Variants in SEMA3A observed in about 807,000 individuals in gnomAD.
SEMA3A encodes the protein semaphorin-3A.
In SEMA3A, 29 loss-of-function variants were observed where a neutral mutation model predicts 97.9. That is an observed-to-expected ratio of 0.30 (90% CI 0.22 to 0.40). The LOEUF (loss-of-function observed/expected upper bound fraction) is 0.40, where lower values mean the gene tolerates loss of function less well. Ranked by LOEUF, SEMA3A falls within the 10% of genes least tolerant of loss-of-function variation. The pLI, the probability that SEMA3A is intolerant of heterozygous loss-of-function variation, is 1.00. For synonymous variants in SEMA3A, 321 were observed against 323.7 expected (o/e 0.99, Z 0.09); for missense variants, 763 against 951.3 (o/e 0.80, Z 2.60).
At chr7:84,443,231 A>G (rs1805316285) in intron 1 of SEMA3A, among the ~76,000 whole-genome samples, 1 of 152,178 alleles carries the variant, frequency 6.6e-6, no homozygotes, top group African/African-American at 2.4e-5. Context: ...TAGGCAACAA[A>G]TTACACCTCA....
chr7:83,981,504 C>CA, intron 13 of SEMA3A, 26 bp from the exon 14 acceptor site: 1 of 1,533,936 alleles, frequency 6.5e-7, no homozygotes, highest in East Asian at 2.3e-5. Context: ...ACTGCTGTGA[C>CA]AAAAACTATC....
At chr7:84,135,066 A>C (rs899092853) in intron 1 of SEMA3A, 115 bp from the exon 2 acceptor site, 8 of 707,894 alleles carry the variant, frequency 1.1e-5, no homozygotes, top group African/African-American at 9.2e-5. Context: ...ATCAGTGCTT[A>C]TTCTTCAGGG....
At chr7:84,198,025 C>A (rs1162350315), upstream of SEMA3A, among the ~76,000 whole-genome samples, 2 of 152,146 alleles carry the variant, frequency 1.3e-5, no homozygotes, top group Admixed American at 6.5e-5. Context: ...CAGGCGTGAG[C>A]CCCCGAGCCC....
chr7:84,358,798 C>A (rs1256524575), intron 2 of SEMA3A, among the ~76,000 whole-genome samples: 1 of 152,050 alleles, frequency 6.6e-6, no homozygotes, highest in African/African-American at 2.4e-5. Context: ...TTGTTTGTAT[C>A]CTCTTTTATT....
intron 1 of SEMA3A, among the ~76,000 whole-genome samples, chr7:84,469,368 G>C (rs531770775): frequency 6.6e-6 from 1 of 152,192 alleles, no homozygotes; most frequent in Admixed American, 6.5e-5. Flanking sequence ...GGTTTAAACA[G>C]AAGAAAAGAG....
At chr7:84,413,497 A>G (rs570309616) in intron 1 of SEMA3A, among the ~76,000 whole-genome samples, 80 of 152,184 alleles carry the variant, frequency 5.3e-4, no homozygotes, top group African/African-American at 1.9e-3. Flanking sequence ...GTGTGATGGC[A>G]TGTGCCTGTA....
At chr7:84,088,369 G>A (rs1794449633) in intron 4 of SEMA3A, among the ~76,000 whole-genome samples, 1 of 151,932 alleles carries the variant, frequency 6.6e-6, no homozygotes, top group East Asian at 1.9e-4. Flanking sequence ...CAGGAGAATC[G>A]CTTGAACCCG....
intron 15 of SEMA3A, among the ~76,000 whole-genome samples, chr7:83,968,785 GTTTCTTTTCT>G (rs1029616666): frequency 2.4e-5 from 2 of 83,812 alleles, no homozygotes; most frequent in Non-Finnish European, 5.3e-5. Context: ...TTTTTTCTTT[GTTTCTTTTCT>G]TTTCTTTCCT....
chr7:84,227,364 ATTT>A (rs1799014129), intron 3 of SEMA3A, among the ~76,000 whole-genome samples: 1 of 151,970 alleles, frequency 6.6e-6, no homozygotes, highest in African/African-American at 2.4e-5. Context: ...GCAAGCATTC[ATTT>A]GCTACCTCAT....
chr7:84,487,526 G>C (rs1280149469), intron 1 of SEMA3A, among the ~76,000 whole-genome samples: 1 of 152,062 alleles, frequency 6.6e-6, no homozygotes, highest in Non-Finnish European at 1.5e-5. Flanking sequence ...TGTCAAGTAA[G>C]AACAGAAAGA....
At chr7:84,329,426 C>T (rs1271870508) in intron 2 of SEMA3A, among the ~76,000 whole-genome samples, 1 of 151,944 alleles carries the variant, frequency 6.6e-6, no homozygotes, top group Non-Finnish European at 1.5e-5. Context: ...AGCTCATCAG[C>T]TATTGTTAGT....
intron 1 of SEMA3A, among the ~76,000 whole-genome samples, chr7:84,175,715 G>A (rs1797540384): frequency 7.1e-6 from 1 of 141,498 alleles, no homozygotes; most frequent in Non-Finnish European, 1.5e-5. Flanking sequence ...GAATGTTATG[G>A]TTGGAAACCT....
At chr7:84,337,034 T>A (rs976168513) in intron 2 of SEMA3A, among the ~76,000 whole-genome samples, 1 of 152,078 alleles carries the variant, frequency 6.6e-6, no homozygotes, top group Non-Finnish European at 1.5e-5. Flanking sequence ...TTGCCTGGGT[T>A]TGAATCCTAG....
chr7:84,356,832 A>G (rs1802572271), intron 2 of SEMA3A, among the ~76,000 whole-genome samples: 1 of 151,920 alleles, frequency 6.6e-6, no homozygotes, highest in Admixed American at 6.6e-5. Context: ...AAAAATTACA[A>G]CATTATGAAT....
chr7:84,059,770 T>TA (rs1793140434), intron 5 of SEMA3A, among the ~76,000 whole-genome samples: 1 of 150,750 alleles, frequency 6.6e-6, no homozygotes, highest in African/African-American at 2.4e-5. Flanking sequence ...ATTTAAAAAA[T>TA]AAAAAAGAAA....
chr7:84,195,510 C>T (rs927969115), upstream of SEMA3A: 4 of 151,782 alleles, frequency 2.6e-5, no homozygotes, highest in African/African-American at 9.7e-5. Context: ...TGTTAGAGAT[C>T]ATTCCCTCCT....
Position 84,193,188 on chromosome 7 carries a change from G to A in SEMA3A, c.112+1287C>T, listed in dbSNP as rs1441048221. 3.3e-5 allele frequency among the ~76,000 whole-genome samples: 5 copies of A among 151,564 alleles called. No homozygotes were observed. In the East Asian group the frequency reaches 5.8e-4, roughly 18 times the overall value. ...TCTAATTCAATGCATTTCATTTAAC[G>A]AGCACTAAGTCCAAAGAAACACATT... On this transcript the variant is annotated intron_variant, in intron 1 of 16. Coordinates refer to ENST00000265362, the MANE Select transcript of SEMA3A (RefSeq NM_006080.3).
chr7:84,221,865 G>C (rs943013521), intron 3 of SEMA3A, among the ~76,000 whole-genome samples: 2 of 151,992 alleles, frequency 1.3e-5, no homozygotes, highest in East Asian at 3.9e-4. Context: ...ATACAGACAT[G>C]AAGAGAGCAC....
intron 1 of SEMA3A, among the ~76,000 whole-genome samples, chr7:84,388,683 G>C (rs1803463685): frequency 1.3e-5 from 2 of 151,994 alleles, no homozygotes; most frequent in South Asian, 2.1e-4. Flanking sequence ...CTTAGCCCTA[G>C]GAACAGAATT....
Sources: gnomAD v4.1 joint callset for allele counts (sites outside exome capture counted in the v4.1 genomes callset) on GRCh38, gnomAD v4.1.1 for gene constraint, MANE v1.5 for transcripts, NCBI Gene and HGNC (gene_info 2026-07-23, HGNC 2026-07-21) for gene names.